Variants in RBBP8 observed in about 807,000 individuals in gnomAD.
RBBP8 encodes the protein RB binding protein 8, endonuclease.
RBBP8 carries 88 observed loss-of-function variants against 108.3 expected under a neutral mutation model. That is an observed-to-expected ratio of 0.81 (90% confidence interval 0.68 to 0.97). The LOEUF (loss-of-function observed/expected upper bound fraction) is 0.97. Ranked by LOEUF, RBBP8 falls within the 50% of genes least tolerant of loss-of-function variation. The pLI is 0.00. For missense variants in RBBP8, 1,023 were observed against 1,049.0 expected (o/e 0.98, Z 0.34); for synonymous variants, 332 against 348.2 (o/e 0.95, Z 0.52).
At chr18:23,001,320 A>T (rs1437351738) in intron 14 of RBBP8, among the ~76,000 whole-genome samples, 1 of 152,196 alleles carries the variant, frequency 6.6e-6, no homozygotes, top group Non-Finnish European at 1.5e-5. Context: ...TTAAACTATC[A>T]AATTTTTATT....
intron 6 of RBBP8, 52 bp downstream of exon 6, chr18:22,975,271 C>A (rs1405062416): frequency 2.5e-6 from 4 of 1,595,688 alleles, no homozygotes; most frequent in South Asian, 1.1e-5. Context: ...CTATACAAAC[C>A]ATGAAGATAA....
chr18:22,974,616 T>C (rs771352444), intron 5 of RBBP8, among the ~76,000 whole-genome samples: 1 of 152,176 alleles, frequency 6.6e-6, no homozygotes. Flanking sequence ...TGCGCCACCA[T>C]GTCCGGCTGA....
intron 16 of RBBP8, among the ~76,000 whole-genome samples, chr18:23,009,738 C>T (rs1427304769): frequency 6.6e-6 from 1 of 152,032 alleles, no homozygotes; most frequent in African/African-American, 2.4e-5. Context: ...CTATCCATGA[C>T]TCATATAGAA....
At chr18:23,003,373 A>G (rs2045980204) in intron 15 of RBBP8, among the ~76,000 whole-genome samples, 1 of 152,118 alleles carries the variant, frequency 6.6e-6, no homozygotes, top group Non-Finnish European at 1.5e-5. Flanking sequence ...TTTGTTACAT[A>G]TTTATTTTAT....
At chr18:22,968,696 A>T (rs931404112) in intron 4 of RBBP8, 110 bp from the exon 5 acceptor site, 21 of 817,918 alleles carry the variant, frequency 2.6e-5, no homozygotes, top group Non-Finnish European at 2.1e-6. Flanking sequence ...AATCTAGTTG[A>T]TTTTCACAGT....
chr18:22,937,805 T>A (rs1237602397), intron 2 of RBBP8, among the ~76,000 whole-genome samples: 1 of 151,392 alleles, frequency 6.6e-6, no homozygotes, highest in Non-Finnish European at 1.5e-5. Flanking sequence ...ATTTATTTAT[T>A]TATATATTCA....
chr18:22,938,208 T>A (rs1398929204), intron 2 of RBBP8, among the ~76,000 whole-genome samples: 2 of 152,156 alleles, frequency 1.3e-5, no homozygotes, highest in African/African-American at 4.8e-5. Flanking sequence ...CATGGCTCAC[T>A]ATAGTGTCAA....
At chr18:22,981,401 CAA>C in intron 6 of RBBP8, among the ~76,000 whole-genome samples, 1 of 152,210 alleles carries the variant, frequency 6.6e-6, no homozygotes, top group Middle Eastern at 3.4e-3. Flanking sequence ...ATTTGGTTAA[CAA>C]TGTGTTATTG....
intron 4 of RBBP8, among the ~76,000 whole-genome samples, chr18:22,958,664 G>T (rs1312800015): frequency 6.6e-6 from 1 of 152,060 alleles, no homozygotes; most frequent in Non-Finnish European, 1.5e-5. Flanking sequence ...TCACACCTCA[G>T]CCTTAGAGTA....
At chr18:22,926,783 TA>T (rs1909806194) in intron 3 of RBBP8, among the ~76,000 whole-genome samples, 1 of 152,240 alleles carries the variant, frequency 6.6e-6, no homozygotes, top group Admixed American at 6.5e-5. Flanking sequence ...CTAATCTTTC[TA>T]ATTAAAAAGC....
intron 4 of RBBP8, among the ~76,000 whole-genome samples, chr18:22,961,860 A>G (rs1196692227): frequency 6.6e-6 from 1 of 152,220 alleles, no homozygotes; most frequent in Non-Finnish European, 1.5e-5. Context: ...GGGTAGACTT[A>G]CAAATCTTTT....
At chr18:23,003,999 G>A (rs1388771867) in intron 15 of RBBP8, among the ~76,000 whole-genome samples, 1 of 142,630 alleles carries the variant, frequency 7.0e-6, no homozygotes, top group Non-Finnish European at 1.5e-5. Flanking sequence ...GGAACTTGCA[G>A]TGAGCCAAGA....
chr18:22,946,404 A>G, intron 2 of RBBP8, 40 bp from the exon 3 acceptor site: 1 of 1,607,778 alleles, frequency 6.2e-7, no homozygotes, highest in Middle Eastern at 1.7e-4. Flanking sequence ...CTCATAAAGG[A>G]ACTGTTGTAG....
At chr18:23,004,031 T>C (rs2045992987) in intron 15 of RBBP8, among the ~76,000 whole-genome samples, 1 of 120,734 alleles carries the variant, frequency 8.3e-6, no homozygotes, top group East Asian at 2.7e-4. Flanking sequence ...TGCTCCAGCC[T>C]GGGCAACAGC....
In RBBP8 at chr18:22,989,783, C is replaced by T. The variant is rs543948481; in HGVS notation, c.807+465C>T. On this transcript the variant is annotated intron_variant, in intron 9 of 18. Transcript: ENST00000327155. ...AAACTCCTGGCCTCAAGTGATCCTC[C>T]CATCTCAGCCTCCCAAATAGCTGGG... is the stretch of plus-strand genomic sequence containing the variant. Among the ~76,000 whole-genome samples the T allele has an allele frequency of 1.9e-4, 29 of 152,210 alleles. No individual in the cohort carries two copies. The East Asian group carries it at 3.5e-3, about 18-fold the overall frequency.
At chr18:22,961,693 A>G (rs371626598) in intron 4 of RBBP8, among the ~76,000 whole-genome samples, 49 of 152,300 alleles carry the variant, frequency 3.2e-4, no homozygotes, top group African/African-American at 9.9e-4. Context: ...CTCATCAGCT[A>G]TCATTAGTGT....
At chr18:22,970,338 C>A (rs1479792398) in intron 5 of RBBP8, among the ~76,000 whole-genome samples, 6 of 152,074 alleles carry the variant, frequency 3.9e-5, no homozygotes, top group Admixed American at 6.5e-5. Flanking sequence ...GTCTACATAT[C>A]TAATAGATTT....
rs559811558 is a variant in RBBP8, at chr18:22,946,280, C to T, written c.110-164C>T. On this transcript the variant is annotated intron_variant, in intron 2 of 18. Coordinates refer to ENST00000327155, the MANE Select transcript of RBBP8 (RefSeq NM_002894.3). ...ATGATAGACTAAAAGCAATACATTG[C>T]AGATATGCTTTTGTGACTGCAGAGT... 1.2e-4 allele frequency: 91 copies of T among 785,340 alleles called. No homozygotes were observed. In the South Asian group the frequency reaches 1.5e-3, roughly 13 times the overall value. 48.6% of individuals were successfully genotyped at this position (785,340 alleles called of 1,614,324 possible).
At chr18:22,994,049 C>G (rs1298048182) in intron 12 of RBBP8, among the ~76,000 whole-genome samples, 3 of 99,714 alleles carry the variant, frequency 3.0e-5, no homozygotes, top group Non-Finnish European at 1.8e-5. Flanking sequence ...GAGACGGAGT[C>G]TCGCTCTGTC....
Sources: allele counts gnomAD v4.1 joint callset (sites outside exome capture counted in the v4.1 genomes callset), GRCh38; gene constraint gnomAD v4.1.1; transcripts MANE v1.5; gene names NCBI Gene and HGNC (gene_info 2026-07-23, HGNC 2026-07-21).